Variants in DIP2C observed in about 807,000 individuals in gnomAD.
The protein encoded by DIP2C is DIP2 acetate--CoA ligase C (putative), also known as disco-interacting protein 2 homolog C.
In DIP2C, 33 loss-of-function variants were observed where a neutral mutation model predicts 192.4. That is an observed-to-expected ratio of 0.17 (90% CI 0.13 to 0.23). The LOEUF is 0.23. Among genes scored for constraint, DIP2C ranks in the 10% least tolerant of loss-of-function variants. DIP2C has a pLI of 1.00. For missense variants in DIP2C, 1,537 were observed against 2,110.1 expected (o/e 0.73, Z 5.32); for synonymous variants, 979 against 864.1 (o/e 1.13, Z -2.33).
chr10:389,930 C>CT (rs1963319238), intron 13 of DIP2C, 61 bp downstream of exon 13: 1 of 1,360,256 alleles, frequency 7.4e-7, no homozygotes, highest in Non-Finnish European at 1.0e-6. Context: ...GTGATGTGGC[C>CT]TTCGTGTCAG....
chr10:487,876 G>A (rs544147391), intron 1 of DIP2C, among the ~76,000 whole-genome samples: 5 of 152,224 alleles, frequency 3.3e-5, no homozygotes, highest in Admixed American at 2.0e-4. Context: ...GTGCCCAGCC[G>A]ATGCTAACTA....
chr10:563,148 C>T (rs1028766059), intron 1 of DIP2C, among the ~76,000 whole-genome samples: 2 of 152,196 alleles, frequency 1.3e-5, no homozygotes, highest in Admixed American at 1.3e-4. Flanking sequence ...CAGACACCAT[C>T]CCCCTCAGGG....
chr10:592,840 T>C lies in DIP2C; in HGVS notation c.85+96654A>G, dbSNP rs1049514458. Among the ~76,000 whole-genome samples the C allele has an allele frequency of 7.3e-5, 11 of 151,692 alleles. 1 individual carries two copies. The highest frequency in any genetic ancestry group is 3.4e-3 in the Middle Eastern group (1 of 294). On this transcript the variant is annotated intron_variant, in intron 1 of 36. Transcript: ENST00000280886. The stretch of plus-strand genomic sequence containing the variant: ...AACCTGAAGATGTACGAGCCGTCCC[T>C]GCTCGTGTAGAAATCTGAGAGCAGG...
intron 1 of DIP2C, among the ~76,000 whole-genome samples, chr10:608,117 CACACACAGCCCCA>C (rs1348316001): frequency 1.5e-5 from 2 of 129,662 alleles, no homozygotes; most frequent in Non-Finnish European, 3.1e-5. Context: ...ACACACACCA[CACACACAGCCCCA>C]ACACACACAC....
At chr10:464,748 G>A (rs957468501) in intron 3 of DIP2C, among the ~76,000 whole-genome samples, 2 of 152,324 alleles carry the variant, frequency 1.3e-5, no homozygotes, top group African/African-American at 4.8e-5. Context: ...ATCAATGATA[G>A]ACTGGATAAA....
At chr10:641,197 T>C (rs1267347135) in intron 1 of DIP2C, among the ~76,000 whole-genome samples, 1 of 151,944 alleles carries the variant, frequency 6.6e-6, no homozygotes, top group Non-Finnish European at 1.5e-5. Context: ...CCTCGTTCTT[T>C]GAGGTCATAG....
At chr10:604,019 C>T (rs1011615390) in intron 1 of DIP2C, among the ~76,000 whole-genome samples, 1 of 149,368 alleles carries the variant, frequency 6.7e-6, no homozygotes, top group African/African-American at 2.5e-5. Context: ...AACACCACCC[C>T]ACCCCCCAGC....
At chr10:660,629 T>C (rs1382798051) in intron 1 of DIP2C, among the ~76,000 whole-genome samples, 1 of 152,252 alleles carries the variant, frequency 6.6e-6, no homozygotes, top group African/African-American at 2.4e-5. Flanking sequence ...AATGTGCACC[T>C]GCTTTTCAAG....
At position 349,125 on chromosome 10, in the gene DIP2C, C is replaced by T. The variant is rs192026222; in HGVS notation, c.3109+206G>A. Among the ~76,000 whole-genome samples the T allele has an allele frequency of 2.9e-3, 443 of 152,344 alleles. 4 individuals carry two copies. Among genetic ancestry groups the T allele is most frequent in the Non-Finnish European group, 4.5e-3 (303 of 68,036 alleles). ...GTCATTGAAAGCATCACTTTATTGA[C>T]GCCTCTCACAGTAGCACATGCGGCT... is the stretch of plus-strand genomic sequence containing the variant. On this transcript the variant is annotated intron_variant, in intron 25 of 36. Coordinates refer to ENST00000280886, the MANE Select transcript of DIP2C (RefSeq NM_014974.3).
At chr10:487,316 A>G (rs997385023) in intron 1 of DIP2C, among the ~76,000 whole-genome samples, 1 of 152,242 alleles carries the variant, frequency 6.6e-6, no homozygotes, top group African/African-American at 2.4e-5. Context: ...AAGAAGAGTG[A>G]AAAATTCAAG....
At chr10:493,683 G>A (rs1278153517) in intron 1 of DIP2C, among the ~76,000 whole-genome samples, 1 of 152,186 alleles carries the variant, frequency 6.6e-6, no homozygotes, top group Non-Finnish European at 1.5e-5. Flanking sequence ...TCTTTGGATT[G>A]GGAGGGAACA....
chr10:636,207 CG>C lies in DIP2C; in HGVS notation c.85+53286del, dbSNP rs1267099230. Among the ~76,000 whole-genome samples the C allele has an allele frequency of 6.6e-6, 1 of 152,188 alleles. No homozygotes were observed. Among genetic ancestry groups the C allele is most frequent in the African/African-American group, 2.4e-5 (1 of 41,448 alleles). On this transcript the variant is annotated intron_variant, in intron 1 of 36. Transcript: ENST00000280886. The surrounding 1 kb of genome is among the most constrained non-coding windows in gnomAD (Gnocchi z 4.6). ...AGTCGACAGAACACCAACGGCTCGT[CG>C]GCTCGTCGGCTCTTCCCGGCTGAAC...
At chr10:448,822 ATCT>A (rs1968582467) in intron 3 of DIP2C, among the ~76,000 whole-genome samples, 1 of 98,096 alleles carries the variant, frequency 1.0e-5, no homozygotes, top group Non-Finnish European at 2.0e-5. Context: ...ACTCATCCTC[ATCT>A]ATACTCAGGA....
chr10:361,744 A>G (rs1048491919), intron 22 of DIP2C, among the ~76,000 whole-genome samples: 2 of 152,118 alleles, frequency 1.3e-5, no homozygotes, highest in Non-Finnish European at 2.9e-5. Context: ...TGTCCTTCAC[A>G]AGGCTGTTTA....
intron 1 of DIP2C, among the ~76,000 whole-genome samples, chr10:543,682 T>TA (rs1435525383): frequency 6.6e-6 from 1 of 152,236 alleles, no homozygotes; most frequent in Non-Finnish European, 1.5e-5. Flanking sequence ...TAGTAACATG[T>TA]TTTGGATACA....
At chr10:299,905 GAGA>G (rs1232190140) in intron 32 of DIP2C, among the ~76,000 whole-genome samples, 2 of 152,176 alleles carry the variant, frequency 1.3e-5, no homozygotes, top group African/African-American at 2.4e-5. Flanking sequence ...CAGTGAGCAA[GAGA>G]AGATGTTCGA....
At position 688,840 on chromosome 10, in the gene DIP2C, G is replaced by T. The variant is rs904230839; in HGVS notation, c.85+654C>A. 1.2e-3 allele frequency among the ~76,000 whole-genome samples: 187 copies of T among 152,226 alleles called. 2 individuals carry two copies. Among genetic ancestry groups the T allele is most frequent in the South Asian group, 8.3e-4 (4 of 4,836 alleles). ...GCAAGGCCGGAGCCCGGCCCGGGGG[G>T]AGGTTGACGATTCCGCCCAGCCCTC... On this transcript the variant is annotated intron_variant, in intron 1 of 36. Transcript: ENST00000280886.
intron 3 of DIP2C, among the ~76,000 whole-genome samples, chr10:460,180 T>C (rs953462951): frequency 6.6e-6 from 1 of 152,208 alleles, no homozygotes; most frequent in Non-Finnish European, 1.5e-5. Context: ...TCTCCCAGTC[T>C]TGGGTGGAAT....
At position 579,297 on chromosome 10, in the gene DIP2C, G is replaced by A. The variant is rs565297171; in HGVS notation, c.86-92767C>T. 7.9e-5 allele frequency among the ~76,000 whole-genome samples: 12 copies of A among 151,686 alleles called. No homozygotes were observed. The South Asian group carries it at 8.3e-4, about 11-fold the overall frequency. ...ATACACACATCCAGATTCATGTAGTGTACACACATAGGTACACTATAATAC... is the reference window on the plus strand; with the variant it reads ...ATACACACATCCAGATTCATGTAGTATACACACATAGGTACACTATAATAC... On this transcript the variant is annotated intron_variant, in intron 1 of 36. Coordinates refer to ENST00000280886, the MANE Select transcript of DIP2C (RefSeq NM_014974.3).
Sources: allele counts gnomAD v4.1 joint callset (sites outside exome capture counted in the v4.1 genomes callset), GRCh38; gene constraint gnomAD v4.1.1; non-coding constraint Gnocchi (gnomAD v3.1); transcripts MANE v1.5; gene names NCBI Gene and HGNC (gene_info 2026-07-23, HGNC 2026-07-21).